Variants in GFI1B observed in about 807,000 individuals in gnomAD.
GFI1B encodes zinc finger protein Gfi-1b.
GFI1B carries 20 observed loss-of-function variants against 35.3 expected under a neutral mutation model. The ratio of observed to expected loss-of-function variants is 0.57; its 90% confidence interval spans 0.40 to 0.82. GFI1B has a LOEUF of 0.82. Among genes scored for constraint, GFI1B ranks in the 40% least tolerant of loss-of-function variants. The probability of loss-of-function intolerance (pLI) is 0.00; values close to 1 mark genes in which losing one functional copy is unlikely to be tolerated. For synonymous variants in GFI1B, 178 were observed against 177.6 expected (o/e 1.00, Z -0.02); for missense variants, 430 against 446.3 (o/e 0.96, Z 0.33).
chr9:132,964,519 G>A (rs554639082), intron 1 of GFI1B, among the ~76,000 whole-genome samples: 2 of 152,236 alleles, frequency 1.3e-5, no homozygotes, highest in Non-Finnish European at 2.9e-5. Context: ...GCCGGGGAAG[G>A]CCATGACGGG....
At chr9:132,985,723 C>T (rs2773823) in intron 1 of GFI1B, among the ~76,000 whole-genome samples, 2,348 of 152,322 alleles carry the variant, frequency 0.015, 55 homozygotes, top group African/African-American at 0.052. Flanking sequence ...GCACTGCAAG[C>T]CTGGACATCC....
At chr9:132,954,714 A>G (rs1478998570) in intron 1 of GFI1B, among the ~76,000 whole-genome samples, 1 of 151,284 alleles carries the variant, frequency 6.6e-6, no homozygotes, top group Non-Finnish European at 1.5e-5. Context: ...GAGCAACCAC[A>G]TCTGGCCAAT....
rs555459639 is a variant in GFI1B, at chr9:132,968,887, TCCACAACCACCA to T, written c.-700-3828_-700-3817del. On this transcript the variant is annotated intron_variant, in intron 1 of 10. Coordinates refer to the GFI1B transcript ENST00000339463. ...ATCGGCTTAAGTACGTTCATATCAG[TCCACAACCACCA>T]CCACAACCATCCATCTCCAGGACTT... Among the ~76,000 whole-genome samples, 10 of 152,218 alleles carry T rather than the reference TCCACAACCACCA, an allele frequency of 6.6e-5. 1 individual carries two copies. In the South Asian group the frequency reaches 1.9e-3, roughly 28 times the overall value.
chr9:132,989,719 C>T lies in GFI1B; in HGVS notation c.649-23C>T, dbSNP rs771432303. 6.5e-5 allele frequency: 105 copies of T among 1,609,228 alleles called. No individual in the cohort carries two copies. Among genetic ancestry groups the T allele is most frequent in the African/African-American group, 1.1e-4 (8 of 74,816 alleles). On this transcript the variant is annotated intron_variant, in intron 5 of 6. Coordinates refer to ENST00000372122, the MANE Select transcript of GFI1B (RefSeq NM_001377304.1). The surrounding 1 kb of genome is among the most constrained non-coding windows in gnomAD (Gnocchi z 6.2). ...AGTCCTGAGCCTGCACCTGACCCCC[C>T]GGGGCCTCATTTCCTCCGGCAGGAG...
At chr9:132,973,761 TAGA>T (rs1848574122), upstream of GFI1B, among the ~76,000 whole-genome samples, 1 of 152,186 alleles carries the variant, frequency 6.6e-6, no homozygotes. Flanking sequence ...AGGTAGAAGA[TAGA>T]AGCCATGGCT....
At chr9:132,958,886 AAGGTAAATG>A (rs775000172) in intron 1 of GFI1B, among the ~76,000 whole-genome samples, 29 of 152,234 alleles carry the variant, frequency 1.9e-4, no homozygotes, top group Non-Finnish European at 3.8e-4. Context: ...TGGCATTCAG[AAGGTAAATG>A]AGAGACCAGG....
At chr9:132,962,762 G>A (rs1235918886) in intron 1 of GFI1B, 1 of 338,192 alleles carries the variant, frequency 3.0e-6, no homozygotes, top group African/African-American at 2.2e-5. Flanking sequence ...TGGACAGTTT[G>A]ACATGTTTTA....
upstream of GFI1B, among the ~76,000 whole-genome samples, chr9:132,974,057 T>A (rs904130334): frequency 3.3e-5 from 5 of 152,084 alleles, no homozygotes; most frequent in Non-Finnish European, 7.4e-5. Flanking sequence ...AAGAGCCGCA[T>A]AAAGTGGGTA....
chr9:132,992,038 A>C (rs10751499), downstream of GFI1B, among the ~76,000 whole-genome samples: 1 of 152,092 alleles, frequency 6.6e-6, no homozygotes, highest in South Asian at 2.1e-4. Flanking sequence ...AATGAGTCTC[A>C]TGGGGCTAAC....
chr9:132,987,713 G>A (rs1200284955), intron 3 of GFI1B, among the ~76,000 whole-genome samples: 1 of 152,174 alleles, frequency 6.6e-6, no homozygotes, highest in Non-Finnish European at 1.5e-5. Context: ...AAAAGCTGAG[G>A]AGCCACAGTG....
chr9:132,987,210 G>T, intron 2 of GFI1B, 72 bp from the exon 3 acceptor site: 1 of 1,505,656 alleles, frequency 6.6e-7, no homozygotes. Flanking sequence ...TAGGAAGGGC[G>T]TGCCCTCCTT....
chr9:132,971,212 GC>G (rs1487342720), intron 1 of GFI1B, among the ~76,000 whole-genome samples: 3 of 152,120 alleles, frequency 2.0e-5, no homozygotes, highest in Non-Finnish European at 4.4e-5. Context: ...TAGAAGTGGG[GC>G]CCATGGGTTT....
intron 1 of GFI1B, among the ~76,000 whole-genome samples, chr9:132,964,667 G>A (rs1014466192): frequency 6.6e-6 from 1 of 151,320 alleles, no homozygotes; most frequent in Non-Finnish European, 1.5e-5. Context: ...GCAACTGCCT[G>A]TCCAGTCTTG....
At chr9:132,965,641 G>C (rs1027489458) in intron 1 of GFI1B, among the ~76,000 whole-genome samples, 1 of 152,180 alleles carries the variant, frequency 6.6e-6, no homozygotes, top group Non-Finnish European at 1.5e-5. Flanking sequence ...CCCCATGAAG[G>C]CAGAGGCAGA....
At chr9:132,981,693 C>T (rs1426411981) in intron 1 of GFI1B, among the ~76,000 whole-genome samples, 1 of 151,972 alleles carries the variant, frequency 6.6e-6, no homozygotes, top group Non-Finnish European at 1.5e-5. Context: ...TGCTGGGGCC[C>T]CTGGGCCTGA....
upstream of GFI1B, among the ~76,000 whole-genome samples, chr9:132,974,517 G>A (rs745327543): frequency 2.1e-5 from 3 of 144,182 alleles, no homozygotes; most frequent in East Asian, 4.2e-4. Context: ...CAGGAGAATC[G>A]CTTGAACCTG....
Position 132,961,552 on chromosome 9 carries a change from C to T in GFI1B, c.-700-11173C>T, listed in dbSNP as rs993618839. ...CACAAATTAAAACTACCCTGGGATGCCCTTCCTCCTGTCCTATCAGATTGG... is the reference window on the plus strand; with the variant it reads ...CACAAATTAAAACTACCCTGGGATGTCCTTCCTCCTGTCCTATCAGATTGG... On this transcript the variant is annotated intron_variant, in intron 1 of 10. Transcript: ENST00000339463. 2.0e-5 allele frequency among the ~76,000 whole-genome samples: 3 copies of T among 151,958 alleles called. No homozygotes were observed. The East Asian group carries it at 5.8e-4, about 29-fold the overall frequency.
intron 1 of GFI1B, among the ~76,000 whole-genome samples, chr9:132,949,070 A>G (rs1296916858): frequency 6.6e-6 from 1 of 152,182 alleles, no homozygotes; most frequent in Non-Finnish European, 1.5e-5. Context: ...CCCAGAGGTG[A>G]TCACGGATCC....
intron 1 of GFI1B, among the ~76,000 whole-genome samples, chr9:132,958,082 A>G (rs1184141612): frequency 6.6e-6 from 1 of 152,084 alleles, no homozygotes; most frequent in Non-Finnish European, 1.5e-5. Flanking sequence ...AAGGTGTTTG[A>G]CCTTGATCCT....
Sources: gnomAD v4.1 joint callset for allele counts (sites outside exome capture counted in the v4.1 genomes callset) on GRCh38, gnomAD v4.1.1 for gene constraint, Gnocchi (gnomAD v3.1) non-coding constraint, MANE v1.5 for transcripts, NCBI Gene and HGNC (gene_info 2026-07-23, HGNC 2026-07-21) for gene names.